Variants in SLC24A2 observed in about 807,000 individuals in gnomAD.
The protein encoded by SLC24A2 is solute carrier family 24 member 2.
A neutral mutation model predicts 62.0 loss-of-function variants in SLC24A2; 36 were observed. The observed-to-expected ratio is 0.58, with a 90% CI of 0.44 to 0.77. The LOEUF (loss-of-function observed/expected upper bound fraction) is 0.77, where lower values mean the gene tolerates loss of function less well. SLC24A2 is among the 30% of genes least tolerant of loss of function. The pLI is 0.00. For missense variants in SLC24A2, 846 were observed against 817.9 expected, an observed-to-expected ratio of 1.03 and a Z score of -0.42; for synonymous variants, 358 against 294.0, an observed-to-expected ratio of 1.22 and a Z score of -2.23.
chr9:19,691,410 G>A (rs182916828), intron 2 of SLC24A2, among the ~76,000 whole-genome samples: 3 of 152,226 alleles, frequency 2.0e-5, no homozygotes, highest in Admixed American at 2.0e-4. Context: ...TGAAGAAAAG[G>A]ACCATAGGGA....
chr9:19,904,598 G>C, the SLC24A2 span, among the ~76,000 whole-genome samples: 1 of 152,168 alleles, frequency 6.6e-6, no homozygotes, highest in Non-Finnish European at 1.5e-5. Context: ...TTGCATTTGG[G>C]GGGAAAATAG....
the SLC24A2 span, among the ~76,000 whole-genome samples, chr9:20,292,617 T>C: frequency 4.6e-5 from 7 of 152,172 alleles, no homozygotes; most frequent in Non-Finnish European, 8.8e-5. Flanking sequence ...TGTTTCGTTT[T>C]GTTTTTGGGA....
chr9:19,589,212 G>T (rs1836473994), intron 5 of SLC24A2, among the ~76,000 whole-genome samples: 1 of 152,194 alleles, frequency 6.6e-6, no homozygotes, highest in Admixed American at 6.5e-5. Context: ...AACAAGGAAT[G>T]AAAATATCCT....
intron 2 of SLC24A2, among the ~76,000 whole-genome samples, chr9:19,695,453 GA>G (rs927433089): frequency 2.2e-4 from 33 of 151,458 alleles, no homozygotes; most frequent in African/African-American, 7.3e-4. Context: ...AACTGAATAA[GA>G]AAAAAAGTAT....
chr9:19,665,783 TTG>T (rs965844741), intron 2 of SLC24A2, among the ~76,000 whole-genome samples: 2 of 151,790 alleles, frequency 1.3e-5, no homozygotes, highest in Admixed American at 1.3e-4. Context: ...CCTGGTTAAT[TTG>T]TGTGTGTGTG....
rs764257765 is a variant in SLC24A2, at chr9:19,509,066, CA to C, written c.*7086del. 1.3e-5 allele frequency: 2 copies of C among 152,028 alleles called. No individual in the cohort carries two copies. The highest frequency in any genetic ancestry group is 2.4e-5 in the African/African-American group (1 of 41,402). The allele number at this position is 152,028 out of a possible 1,614,324, so 9.4% of individuals were successfully genotyped here. ...TTTTTATAAGGGAACTTCTTAGACCCATCCTATATTTATATAAAAGCTCAAA... is the reference window on the plus strand; with the variant it reads ...TTTTTATAAGGGAACTTCTTAGACCCTCCTATATTTATATAAAAGCTCAAA... On this transcript the variant is annotated 3_prime_UTR_variant, in exon 11 of 11. Coordinates refer to ENST00000341998, the MANE Select transcript of SLC24A2 (RefSeq NM_020344.4).
chr9:20,126,976 C>T, the SLC24A2 span, among the ~76,000 whole-genome samples: 7 of 152,168 alleles, frequency 4.6e-5, no homozygotes, highest in Admixed American at 2.6e-4. Flanking sequence ...GAACAGCTTT[C>T]ATGGATTTGT....
chr9:20,162,487 A>G, the SLC24A2 span, among the ~76,000 whole-genome samples: 2 of 152,080 alleles, frequency 1.3e-5, no homozygotes. Flanking sequence ...GGCAATAATC[A>G]GTAGCTTACC....
the SLC24A2 span, among the ~76,000 whole-genome samples, chr9:19,901,346 C>T: frequency 1.3e-5 from 2 of 152,034 alleles, no homozygotes; most frequent in Non-Finnish European, 2.9e-5. Context: ...ATACTGTTAA[C>T]TAAAAAAATC....
the SLC24A2 span, among the ~76,000 whole-genome samples, chr9:20,019,110 AAAGAAAG>A: frequency 8.5e-5 from 3 of 35,196 alleles, no homozygotes; most frequent in Non-Finnish European, 1.4e-4. Context: ...AGATAGAAAG[AAAGAAAG>A]AAAGAAAGAA....
the SLC24A2 span, among the ~76,000 whole-genome samples, chr9:20,159,541 A>G: frequency 6.6e-6 from 1 of 151,642 alleles, no homozygotes; most frequent in Non-Finnish European, 1.5e-5. Context: ...GGTAAATGAT[A>G]GGGGTAGGGA....
intron 2 of SLC24A2, among the ~76,000 whole-genome samples, chr9:19,719,159 T>C (rs532218795): frequency 4.6e-5 from 7 of 152,308 alleles, no homozygotes; most frequent in East Asian, 1.9e-4. Flanking sequence ...TCTGGGGGCA[T>C]AGCTTGCTAG....
chr9:19,914,296 A>G, the SLC24A2 span, among the ~76,000 whole-genome samples: 101 of 152,126 alleles, frequency 6.6e-4, no homozygotes, highest in East Asian at 0.013. Context: ...ACCTCTTCCT[A>G]GGATCCATAC....
the SLC24A2 span, among the ~76,000 whole-genome samples, chr9:20,100,024 T>A: frequency 6.6e-6 from 1 of 152,080 alleles, no homozygotes; most frequent in Non-Finnish European, 1.5e-5. Context: ...TATTCATCTT[T>A]TTTTTTCTTT....
chr9:20,119,310 A>G, the SLC24A2 span, among the ~76,000 whole-genome samples: 1 of 151,606 alleles, frequency 6.6e-6, no homozygotes, highest in Non-Finnish European at 1.5e-5. Flanking sequence ...GAGGTAACAC[A>G]TGTTGCTTTA....
At chr9:20,061,989 GC>G in the SLC24A2 span, among the ~76,000 whole-genome samples, 1 of 152,134 alleles carries the variant, frequency 6.6e-6, no homozygotes, top group Non-Finnish European at 1.5e-5. Flanking sequence ...TAATCCCAGT[GC>G]TTTGGGAGGC....
the SLC24A2 span, among the ~76,000 whole-genome samples, chr9:20,108,006 AAAAC>A: frequency 3.9e-5 from 6 of 152,194 alleles, no homozygotes; most frequent in Non-Finnish European, 8.8e-5. Flanking sequence ...TTACAAGAAA[AAAAC>A]AAACAACCCC....
At chr9:19,954,627 C>T in the SLC24A2 span, among the ~76,000 whole-genome samples, 2 of 151,924 alleles carry the variant, frequency 1.3e-5, no homozygotes, top group Admixed American at 1.3e-4. Context: ...ATTATATCCA[C>T]CTCTAGTTCT....
At chr9:19,922,967 A>G in the SLC24A2 span, among the ~76,000 whole-genome samples, 1 of 149,682 alleles carries the variant, frequency 6.7e-6, no homozygotes, top group African/African-American at 2.4e-5. Context: ...CCTAAAGATG[A>G]ATATATTCCT....
Sources: allele counts gnomAD v4.1 joint callset (sites outside exome capture counted in the v4.1 genomes callset), GRCh38; gene constraint gnomAD v4.1.1; transcripts MANE v1.5; gene names NCBI Gene and HGNC (gene_info 2026-07-23, HGNC 2026-07-21).